AFF1: variants seen among roughly 807,000 people sequenced by gnomAD.
AFF1 encodes AF4/FMR2 family member 1.
In AFF1, 48 loss-of-function variants were observed where a neutral mutation model predicts 121.7. The observed-to-expected ratio is 0.39, with a 90% confidence interval of 0.31 to 0.50. The LOEUF (loss-of-function observed/expected upper bound fraction) is 0.50, where lower values mean the gene tolerates loss of function less well. AFF1 is among the 20% of genes least tolerant of loss of function. AFF1 has a pLI of 0.76. For missense variants in AFF1, 1,523 were observed against 1,511.7 expected, an observed-to-expected ratio of 1.01 and a Z score of -0.12; for synonymous variants, 613 against 563.0, an observed-to-expected ratio of 1.09 and a Z score of -1.26.
At chr4:86,952,496 G>A (rs1233546404) in intron 2 of AFF1, among the ~76,000 whole-genome samples, 1 of 152,070 alleles carries the variant, frequency 6.6e-6, no homozygotes, top group Non-Finnish European at 1.5e-5. Flanking sequence ...TTAAAAAGAT[G>A]TTTTAGCTTA....
intron 2 of AFF1, among the ~76,000 whole-genome samples, chr4:86,962,145 C>CTTTTTTTTTTTTTTTT (rs3035474): frequency 2.4e-5 from 3 of 122,582 alleles, no homozygotes; most frequent in Non-Finnish European, 5.1e-5. Flanking sequence ...GTTATTGTTT[C>CTTTTTTTTTTTTTTTT]TTTTTTTTTT....
intron 6 of AFF1, among the ~76,000 whole-genome samples, chr4:87,090,386 G>A (rs143509196): frequency 7.2e-5 from 11 of 152,232 alleles, no homozygotes; most frequent in Non-Finnish European, 1.5e-4. Flanking sequence ...GTGATTTCTC[G>A]TTCAGAATTA....
chr4:87,132,531 A>T (rs540018573), intron 19 of AFF1, 123 bp downstream of exon 19: 2 of 914,256 alleles, frequency 2.2e-6, no homozygotes, highest in Non-Finnish European at 1.6e-6. Context: ...TGTTGGCTTC[A>T]TCTGTTTGCT....
intron 19 of AFF1, among the ~76,000 whole-genome samples, chr4:87,133,129 C>T (rs1231642946): frequency 6.6e-6 from 1 of 152,204 alleles, no homozygotes; most frequent in African/African-American, 2.4e-5. Context: ...AAGAAATTTC[C>T]AGAGCCATAT....
chr4:86,949,490 A>G (rs963238004), intron 2 of AFF1, among the ~76,000 whole-genome samples: 1 of 146,696 alleles, frequency 6.8e-6, no homozygotes. Context: ...AGTTGTTTTT[A>G]TTGTTACTTT....
At chr4:87,000,924 G>C (rs914457400) in intron 2 of AFF1, among the ~76,000 whole-genome samples, 7 of 152,120 alleles carry the variant, frequency 4.6e-5, no homozygotes, top group Non-Finnish European at 1.5e-5. Context: ...GAACCAAACA[G>C]TTGAATCAGA....
chr4:87,093,858 T>C (rs1013138358), intron 7 of AFF1, among the ~76,000 whole-genome samples: 14 of 152,220 alleles, frequency 9.2e-5, no homozygotes, highest in African/African-American at 3.1e-4. Context: ...TTCAGGTCCC[T>C]ATTACCTCAT....
Position 87,131,834 on chromosome 4 carries a change from C to A in AFF1, c.3143C>A (p.Pro1048Gln). 2 of 1,591,058 alleles carry A rather than the reference C, an allele frequency of 1.3e-6. No homozygotes were observed. Among genetic ancestry groups the A allele is most frequent in the Admixed American group, 1.9e-5 (1 of 52,632 alleles). ...AAATCCTTCTCAGATGCCACAGCGCCAACACAAGAGAAAATATTTGCTGTT... is the reference window on the plus strand; with the variant it reads ...AAATCCTTCTCAGATGCCACAGCGCAAACACAAGAGAAAATATTTGCTGTT... ...SLKSFSDATA[P>Q]TQEKIFAVLC... Residue 1048 changes from proline (P) to glutamine (Q), a missense_variant, in exon 18 of 21, where the codon CCA (proline) becomes CAA (glutamine). By Grantham distance (76) the Pro-to-Gln change is moderately conservative. This residue lies in a region of AFF1 where 241 missense variants were observed against 265.2 expected (regional missense o/e 0.91). Coordinates refer to ENST00000395146, the MANE Select transcript of AFF1 (RefSeq NM_001166693.3).
intron 4 of AFF1, among the ~76,000 whole-genome samples, chr4:87,049,225 A>T (rs111284120): frequency 3.9e-5 from 6 of 152,336 alleles, no homozygotes; most frequent in African/African-American, 1.4e-4. Flanking sequence ...GCTTAAGTGC[A>T]AGATTCTGTG....
intron 2 of AFF1, among the ~76,000 whole-genome samples, chr4:86,963,800 C>CTTT (rs71660104): frequency 2.9e-4 from 42 of 143,964 alleles, no homozygotes; most frequent in South Asian, 1.1e-3. Context: ...CTTTTCATTT[C>CTTT]TTTTTTTTTT....
intron 8 of AFF1, among the ~76,000 whole-genome samples, chr4:87,104,830 G>C (rs994397545): frequency 2.6e-5 from 4 of 151,904 alleles, no homozygotes; most frequent in African/African-American, 9.7e-5. Context: ...AAGCCAGAAT[G>C]CCTACAGATA....
chr4:87,128,328 AGGT>A (rs1728490423), intron 16 of AFF1, among the ~76,000 whole-genome samples: 1 of 152,218 alleles, frequency 6.6e-6, no homozygotes, highest in Non-Finnish European at 1.5e-5. Context: ...ACTTTCTAAA[AGGT>A]GGTGGTTTTG....
intron 2 of AFF1, among the ~76,000 whole-genome samples, chr4:87,042,097 T>A (rs1484009370): frequency 1.3e-5 from 2 of 152,162 alleles, no homozygotes; most frequent in Non-Finnish European, 2.9e-5. Flanking sequence ...TAAAAAATTT[T>A]CCCATCTGCC....
intron 2 of AFF1, among the ~76,000 whole-genome samples, chr4:87,002,733 T>C (rs1036919090): frequency 6.6e-6 from 1 of 152,166 alleles, no homozygotes; most frequent in Non-Finnish European, 1.5e-5. Context: ...AACGGGCGAT[T>C]TTACTCCTTA....
At chr4:87,069,380 T>A (rs1406778247) in intron 4 of AFF1, among the ~76,000 whole-genome samples, 1 of 149,010 alleles carries the variant, frequency 6.7e-6, no homozygotes, top group East Asian at 2.0e-4. Context: ...TCCCTCTCCT[T>A]CTGTCCCCAT....
chr4:86,951,349 C>T lies in AFF1; in HGVS notation c.38+2778C>T, dbSNP rs1408921523. 3.5e-5 allele frequency among the ~76,000 whole-genome samples: 5 copies of T among 142,942 alleles called. No individual in the cohort carries two copies. In the East Asian group the frequency reaches 1.0e-3, roughly 30 times the overall value. The allele number at this position is 142,942 out of a possible 152,430, so 93.8% of individuals were successfully genotyped here. On this transcript the variant is annotated intron_variant, in intron 2 of 20. Coordinates refer to ENST00000395146, the MANE Select transcript of AFF1 (RefSeq NM_001166693.3). Reference sequence around the variant, plus strand: ...CTCCTGCAGACATCATCTGCTTTGTCCGTTTGCCCCAGAGACTTGATGTCA... The same window carrying T: ...CTCCTGCAGACATCATCTGCTTTGTTCGTTTGCCCCAGAGACTTGATGTCA...
chr4:87,127,124 CTTCAGATGAT>C lies in AFF1; in HGVS notation c.2903+11_2903+20del. On this transcript the variant is annotated splice_region_variant and intron_variant, in intron 15 of 20. Transcript: ENST00000395146. ...CTCAAGTGAAGTTTGACAAGTAAGA[CTTCAGATGAT>C]TTCTTCTTGCTCTGTTTTGTTTTGT... is the stretch of plus-strand genomic sequence containing the variant. 1 of 1,580,282 alleles carries C rather than the reference CTTCAGATGAT, an allele frequency of 6.3e-7. No individual in the cohort carries two copies. Among genetic ancestry groups the C allele is most frequent in the Non-Finnish European group, 8.7e-7 (1 of 1,152,128 alleles).
intron 2 of AFF1, among the ~76,000 whole-genome samples, chr4:87,028,049 T>C (rs531988922): frequency 4.6e-5 from 7 of 152,110 alleles, no homozygotes; most frequent in African/African-American, 7.2e-5. Flanking sequence ...AGATTAGTAG[T>C]GCTAAATGCC....
intron 7 of AFF1, 90 bp downstream of exon 7, chr4:87,091,919 C>A: frequency 1.2e-6 from 1 of 856,410 alleles, no homozygotes; most frequent in Non-Finnish European, 1.8e-6. Context: ...AATGCCCCAG[C>A]AGAGATGAGG....
Sources: gnomAD v4.1 joint callset for allele counts (sites outside exome capture counted in the v4.1 genomes callset) on GRCh38, gnomAD v4.1.1 for gene constraint, gnomAD v4.1.1 regional missense constraint, MANE v1.5 for transcripts, NCBI Gene and HGNC (gene_info 2026-07-23, HGNC 2026-07-21) for gene names.